The following MAGI2 variants were observed in gnomAD, a reference collection of about 807,000 sequenced individuals.
The protein encoded by MAGI2 is membrane-associated guanylate kinase, WW and PDZ domain-containing protein 2.
In MAGI2, 35 loss-of-function variants were observed where a neutral mutation model predicts 133.3. The observed-to-expected ratio is 0.26, with a 90% CI of 0.20 to 0.35. MAGI2 has a LOEUF of 0.35. Among genes scored for constraint, MAGI2 ranks in the 10% least tolerant of loss-of-function variants. MAGI2 has a pLI of 1.00. For missense variants in MAGI2, 1,636 were observed against 1,863.4 expected (o/e 0.88, Z 2.25); for synonymous variants, 729 against 710.6 (o/e 1.03, Z -0.41).
At chr7:78,399,527 G>A (rs1327177475) in intron 6 of MAGI2, among the ~76,000 whole-genome samples, 1 of 152,198 alleles carries the variant, frequency 6.6e-6, no homozygotes, top group Non-Finnish European at 1.5e-5. Flanking sequence ...GATATTGGCT[G>A]GGTGCAGTGG....
At chr7:78,794,119 C>T (rs550933095) in intron 2 of MAGI2, among the ~76,000 whole-genome samples, 1 of 152,312 alleles carries the variant, frequency 6.6e-6, no homozygotes, top group South Asian at 2.1e-4. Context: ...GAGTTACACA[C>T]TTATATCCTT....
intron 2 of MAGI2, among the ~76,000 whole-genome samples, chr7:78,825,972 CAG>C (rs1790589956): frequency 6.6e-6 from 1 of 152,090 alleles, no homozygotes; most frequent in African/African-American, 2.4e-5. Flanking sequence ...AATGGATAAA[CAG>C]AGGTACAACC....
chr7:78,131,830 A>G (rs1821591791), intron 18 of MAGI2, among the ~76,000 whole-genome samples: 1 of 152,166 alleles, frequency 6.6e-6, no homozygotes, highest in South Asian at 2.1e-4. Flanking sequence ...ACCTCATTAG[A>G]TTGTGGGTAG....
intron 2 of MAGI2, among the ~76,000 whole-genome samples, chr7:78,739,166 A>G (rs1822154059): frequency 6.6e-6 from 1 of 152,184 alleles, no homozygotes. Context: ...ATGGAATTAT[A>G]ATCAACAAAA....
At chr7:78,446,569 A>G (rs1484022431) in intron 6 of MAGI2, among the ~76,000 whole-genome samples, 2 of 152,094 alleles carry the variant, frequency 1.3e-5, no homozygotes, top group East Asian at 1.9e-4. Context: ...TAAAGTATCA[A>G]TTAAAGGAAC....
chr7:79,195,812 A>G (rs1828030075), intron 1 of MAGI2, among the ~76,000 whole-genome samples: 1 of 151,946 alleles, frequency 6.6e-6, no homozygotes, highest in Non-Finnish European at 1.5e-5. Context: ...TTAATATACA[A>G]CAACATGGAT....
At chr7:79,307,553 G>C (rs556491992) in intron 1 of MAGI2, among the ~76,000 whole-genome samples, 100 of 152,186 alleles carry the variant, frequency 6.6e-4, no homozygotes, top group African/African-American at 2.3e-3. Flanking sequence ...TCCCTCTATT[G>C]TCACTTTTAT....
At chr7:78,349,642 T>C (rs1489131434) in intron 7 of MAGI2, among the ~76,000 whole-genome samples, 1 of 152,160 alleles carries the variant, frequency 6.6e-6, no homozygotes, top group Non-Finnish European at 1.5e-5. Flanking sequence ...TTGGCATGCC[T>C]TGGACCCCAC....
chr7:78,760,208 T>C (rs529425100), intron 2 of MAGI2, among the ~76,000 whole-genome samples: 1 of 152,104 alleles, frequency 6.6e-6, no homozygotes, highest in Non-Finnish European at 1.5e-5. Flanking sequence ...ATAACCTGTA[T>C]TTTTTTCATT....
At chr7:79,150,835 T>C (rs976678759) in intron 1 of MAGI2, among the ~76,000 whole-genome samples, 5 of 152,084 alleles carry the variant, frequency 3.3e-5, no homozygotes, top group African/African-American at 1.2e-4. Flanking sequence ...TAGATAGTTA[T>C]ATGGAAAAAT....
intron 2 of MAGI2, among the ~76,000 whole-genome samples, chr7:78,975,053 A>G (rs1365909133): frequency 6.6e-6 from 1 of 151,792 alleles, no homozygotes; most frequent in African/African-American, 2.4e-5. Flanking sequence ...TATAAATGAA[A>G]GGAGAAACAG....
intron 2 of MAGI2, among the ~76,000 whole-genome samples, chr7:78,753,739 A>G (rs980630401): frequency 1.3e-5 from 2 of 152,060 alleles, no homozygotes; most frequent in Non-Finnish European, 2.9e-5. Context: ...AAATCAAATC[A>G]TAACCAATTC....
chr7:78,299,142 A>G (rs1797605912), intron 9 of MAGI2, among the ~76,000 whole-genome samples: 2 of 152,266 alleles, frequency 1.3e-5, no homozygotes, highest in East Asian at 1.9e-4. Flanking sequence ...ATAAAAAGTT[A>G]ATTTTTAAAA....
At chr7:78,507,212 A>T (rs76363278) in intron 4 of MAGI2, among the ~76,000 whole-genome samples, 8,518 of 152,238 alleles carry the variant, frequency 0.056, 279 homozygotes, top group Middle Eastern at 0.16. Flanking sequence ...AGACAAAAAA[A>T]ATGAATAAGG....
At chr7:78,752,192 C>T (rs892683970) in intron 2 of MAGI2, among the ~76,000 whole-genome samples, 4 of 152,192 alleles carry the variant, frequency 2.6e-5, no homozygotes, top group Non-Finnish European at 2.9e-5. Flanking sequence ...AAAGAAGTAG[C>T]AGTTGCTTAT....
chr7:79,173,547 G>C (rs1431705729), intron 1 of MAGI2, among the ~76,000 whole-genome samples: 3 of 151,894 alleles, frequency 2.0e-5, no homozygotes, highest in African/African-American at 7.3e-5. Context: ...TCCCAGACTG[G>C]TCTTGAACTC....
chr7:78,452,660 C>T (rs1423013204), intron 6 of MAGI2, among the ~76,000 whole-genome samples: 2 of 151,222 alleles, frequency 1.3e-5, no homozygotes, highest in African/African-American at 2.4e-5. Flanking sequence ...ATGTAAAAAG[C>T]AACCATCCCT....
chr7:78,536,855 G>A (rs954639338), intron 3 of MAGI2, among the ~76,000 whole-genome samples: 2 of 147,900 alleles, frequency 1.4e-5, no homozygotes, highest in Middle Eastern at 3.3e-3. Flanking sequence ...GGTAGTGTTT[G>A]GTTACGTGGA....
chr7:79,162,055 A>G (rs989260639), intron 1 of MAGI2, among the ~76,000 whole-genome samples: 1 of 151,714 alleles, frequency 6.6e-6, no homozygotes, highest in Admixed American at 6.6e-5. Flanking sequence ...TATCTTTAAT[A>G]GAAAAAAAAA....
Sources: gnomAD v4.1 joint callset for allele counts (sites outside exome capture counted in the v4.1 genomes callset) on GRCh38, gnomAD v4.1.1 for gene constraint, MANE v1.5 for transcripts, NCBI Gene and HGNC (gene_info 2026-07-23, HGNC 2026-07-21) for gene names.